PHF14: variants seen among roughly 807,000 people sequenced by gnomAD.
The protein encoded by PHF14 is PHD finger protein 14.
Under a neutral mutation model 117.9 loss-of-function variants are expected in PHF14, and 55 were observed. The observed-to-expected ratio is 0.47, with a 90% confidence interval of 0.38 to 0.58. The LOEUF (loss-of-function observed/expected upper bound fraction) is 0.58. Ranked by LOEUF, PHF14 falls within the 20% of genes least tolerant of loss-of-function variation. The pLI is 0.00. For missense variants in PHF14, 978 were observed against 1,122.2 expected, an observed-to-expected ratio of 0.87 and a Z score of 1.84; for synonymous variants, 409 against 368.6, an observed-to-expected ratio of 1.11 and a Z score of -1.26.
intron 4 of PHF14, among the ~76,000 whole-genome samples, chr7:11,005,048 A>G (rs1442785157): frequency 6.6e-6 from 1 of 152,096 alleles, no homozygotes; most frequent in Admixed American, 6.6e-5. Context: ...AATTTATTGC[A>G]TTATTGGTGA....
intron 14 of PHF14, among the ~76,000 whole-genome samples, chr7:11,057,429 C>T (rs1330486984): frequency 6.6e-6 from 1 of 152,104 alleles, no homozygotes; most frequent in Non-Finnish European, 1.5e-5. Context: ...GGCTGGAGTG[C>T]AGTGGTGTGA....
intron 13 of PHF14, among the ~76,000 whole-genome samples, chr7:11,047,808 G>A: frequency 7.0e-6 from 1 of 143,310 alleles, no homozygotes; most frequent in Non-Finnish European, 1.5e-5. Flanking sequence ...AAGAAGAGGA[G>A]GGAGGGCAGG....
chr7:11,034,144 G>C (rs1784227335), intron 7 of PHF14, among the ~76,000 whole-genome samples: 1 of 151,716 alleles, frequency 6.6e-6, no homozygotes, highest in Admixed American at 6.6e-5. Flanking sequence ...TTAATATTAA[G>C]GACACATTAG....
rs76259824 is a variant in PHF14, at chr7:11,054,833, A to G, written c.2481+3053A>G. Reference sequence around the variant, plus strand: ...TTGGGAACATTCTGTCTTGTAATACATTATTATAGTATTTTTATTTTTGTC... The same window carrying G: ...TTGGGAACATTCTGTCTTGTAATACGTTATTATAGTATTTTTATTTTTGTC... On this transcript the variant is annotated intron_variant, in intron 14 of 17. Transcript: ENST00000634607. Among the ~76,000 whole-genome samples the G allele has an allele frequency of 5.4e-3, 819 of 152,268 alleles. 5 individuals are homozygous for G. The highest frequency in any genetic ancestry group is 0.019 in the African/African-American group (780 of 41,566).
At chr7:11,024,039 G>C (rs1467111804) in intron 6 of PHF14, among the ~76,000 whole-genome samples, 1 of 152,176 alleles carries the variant, frequency 6.6e-6, no homozygotes, top group African/African-American at 2.4e-5. Context: ...AAAAGCTCTT[G>C]AAGGAAATTG....
chr7:10,978,743 C>G (rs190877537), intron 2 of PHF14, among the ~76,000 whole-genome samples: 55 of 152,268 alleles, frequency 3.6e-4, no homozygotes, highest in African/African-American at 1.1e-3. Flanking sequence ...GCCCCAGCCT[C>G]ACCTCCACCT....
chr7:11,006,201 ATTTTC>A (rs1259923498), intron 4 of PHF14, among the ~76,000 whole-genome samples: 1 of 152,028 alleles, frequency 6.6e-6, no homozygotes, highest in Admixed American at 6.6e-5. Context: ...ATATTTGTAA[ATTTTC>A]TTTTATTCTT....
intron 17 of PHF14, among the ~76,000 whole-genome samples, chr7:11,118,514 C>T (rs1787661034): frequency 6.6e-6 from 1 of 151,616 alleles, no homozygotes; most frequent in South Asian, 2.1e-4. Flanking sequence ...ATAGTTGGTA[C>T]TTTGCTTTAA....
rs1339818211 is a variant in PHF14, at chr7:10,983,047, C to T, written c.788C>T (p.Ala263Val). 6.3e-7 allele frequency: 1 copy of T among 1,594,382 alleles called. No homozygotes were observed. Among genetic ancestry groups the T allele is most frequent in the African/African-American group, 1.3e-5 (1 of 74,766 alleles). The change falls in exon 3 of 18, where the codon GCC becomes GTC. Residue 263 changes from alanine (A) to valine (V), a missense_variant. Around this residue, in one of 7 missense-constraint regions of PHF14, gnomAD observed 414 missense variants for 376.4 expected, o/e 1.10. Transcript: ENST00000634607. Reference protein sequence around the residue: ...EGNDEDHSSPASEGGCKKKKS... With the variant: ...EGNDEDHSSPVSEGGCKKKKS... ...AATGATGAAGATCATAGTAGCCCTG[C>T]CAGTGAAGGGGGTTGCAAGAAGAAG... is the stretch of plus-strand genomic sequence containing the variant.
intron 17 of PHF14, among the ~76,000 whole-genome samples, chr7:11,154,282 G>A (rs1211666267): frequency 6.6e-6 from 1 of 152,154 alleles, no homozygotes; most frequent in Non-Finnish European, 1.5e-5. Context: ...ATGTGTGTGT[G>A]TGTCTGTACA....
chr7:10,974,347 C>T (rs1781788121), intron 1 of PHF14, 23 bp downstream of exon 1: 6 of 1,580,566 alleles, frequency 3.8e-6, no homozygotes, highest in Admixed American at 1.8e-5. Flanking sequence ...GAGGCCTCTG[C>T]GGCGAGAGGT....
In PHF14 at chr7:11,130,125, G is replaced by A. The variant is rs1788054748; in HGVS notation, c.2772+18658G>A. On this transcript the variant is annotated intron_variant, in intron 17 of 17. Coordinates refer to ENST00000634607, the MANE Select transcript of PHF14 (RefSeq NM_001007157.2). This position sits in a 1 kb window ranked among gnomAD's most constrained non-coding sequence, Gnocchi z 4.2. ...TAGTCACTTGGGGACCCGAGCTGAT[G>A]GAGGTTTTGTTTCAACATATGTGGT... Among the ~76,000 whole-genome samples, 1 of 152,024 alleles carries A rather than the reference G, an allele frequency of 6.6e-6. No individual in the cohort carries two copies. Among genetic ancestry groups the A allele is most frequent in the Non-Finnish European group, 1.5e-5 (1 of 67,972 alleles).
chr7:11,011,994 T>C (rs1783372727), intron 4 of PHF14, among the ~76,000 whole-genome samples: 1 of 152,192 alleles, frequency 6.6e-6, no homozygotes, highest in Non-Finnish European at 1.5e-5. Flanking sequence ...TAACAAACTT[T>C]TAGGCATCTT....
intron 5 of PHF14, among the ~76,000 whole-genome samples, chr7:11,017,210 T>C (rs1783563988): frequency 6.6e-6 from 1 of 151,118 alleles, no homozygotes; most frequent in Admixed American, 6.6e-5. Flanking sequence ...GCGACAAATA[T>C]AGGAGTGCAG....
At chr7:11,026,107 A>AG (rs1217075742) in intron 6 of PHF14, among the ~76,000 whole-genome samples, 3 of 83,944 alleles carry the variant, frequency 3.6e-5, no homozygotes, top group African/African-American at 1.3e-4. Flanking sequence ...GTGAGACTCC[A>AG]TCAAAAAAAA....
chr7:11,096,556 C>T (rs1217088248), intron 16 of PHF14, among the ~76,000 whole-genome samples: 1 of 151,996 alleles, frequency 6.6e-6, no homozygotes, highest in Non-Finnish European at 1.5e-5. Flanking sequence ...TATTTCATAT[C>T]GTATGTTGCT....
intron 14 of PHF14, among the ~76,000 whole-genome samples, chr7:11,060,932 G>A (rs1026604428): frequency 2.6e-5 from 4 of 151,942 alleles, no homozygotes; most frequent in Admixed American, 6.6e-5. Flanking sequence ...TGAAATTAAT[G>A]TAAGAAAATA....
At chr7:10,987,183 A>G (rs1782253290) in intron 3 of PHF14, among the ~76,000 whole-genome samples, 1 of 152,188 alleles carries the variant, frequency 6.6e-6, no homozygotes, top group Non-Finnish European at 1.5e-5. Flanking sequence ...GTCCTAAAAA[A>G]AGGTTAGTTC....
chr7:11,105,604 G>T, intron 16 of PHF14: 1 of 984,718 alleles, frequency 1.0e-6, no homozygotes, highest in South Asian at 4.7e-5. Context: ...TACGAAGGCA[G>T]AATCATTTTT....
Sources: gnomAD v4.1 joint callset for allele counts (sites outside exome capture counted in the v4.1 genomes callset) on GRCh38, gnomAD v4.1.1 for gene constraint, gnomAD v4.1.1 regional missense constraint, Gnocchi (gnomAD v3.1) non-coding constraint, MANE v1.5 for transcripts, NCBI Gene and HGNC (gene_info 2026-07-23, HGNC 2026-07-21) for gene names.